Variants in USH2A observed in about 807,000 individuals in gnomAD.
The protein encoded by USH2A is usherin, also known as Usher syndrome 2A (autosomal recessive, mild).
A neutral mutation model predicts 538.9 loss-of-function variants in USH2A; 443 were observed. That is an observed-to-expected ratio of 0.82 (90% CI 0.76 to 0.89). The LOEUF (loss-of-function observed/expected upper bound fraction) is 0.89, where lower values mean the gene tolerates loss of function less well. Ranked by LOEUF, USH2A falls within the 40% of genes least tolerant of loss-of-function variation. The pLI, the probability that USH2A is intolerant of heterozygous loss-of-function variation, is 0.00. For missense variants in USH2A, 6,633 were observed against 6,324.8 expected (o/e 1.05, Z -1.65); for synonymous variants, 2,413 against 2,273.5 (o/e 1.06, Z -1.75).
In USH2A at chr1:216,247,152, G is replaced by T. The variant is rs897424186; in HGVS notation, c.2242C>A (p.Gln748Lys). 3 of 1,614,036 alleles carry T rather than the reference G, an allele frequency of 1.9e-6. No individual in the cohort carries two copies. The highest frequency in any genetic ancestry group is 2.5e-6 in the Non-Finnish European group (3 of 1,179,934). The change falls in exon 13 of 72, where the codon CAG becomes AAG. Residue 748 changes from glutamine (Q) to lysine (K), a missense_variant. Physicochemically the swap from Gln to Lys is moderately conservative, Grantham distance 53. Coordinates refer to ENST00000307340, the MANE Select transcript of USH2A (RefSeq NM_206933.4). ...TTCACTGAGCCATGGAGGTTACACT[G>T]GCAGGGCTCACATCCAACATCATTA... ...SFNDVGCEPC[Q>K]CNLHGSVNKF... is the part of the protein sequence containing the mutation.
intron 35 of USH2A, among the ~76,000 whole-genome samples, chr1:215,979,376 G>A (rs1350253363): frequency 1.3e-5 from 2 of 152,100 alleles, no homozygotes; most frequent in South Asian, 2.1e-4. Flanking sequence ...AGGGAATTTG[G>A]GGCCTTGAAT....
chr1:216,390,095 G>A (rs1276173677), intron 3 of USH2A, among the ~76,000 whole-genome samples: 1 of 152,146 alleles, frequency 6.6e-6, no homozygotes, highest in Non-Finnish European at 1.5e-5. Flanking sequence ...TTCAGCATGA[G>A]TTTTTGTCCT....
rs191101777 is a variant in USH2A at position 215,700,027 on chromosome 1, A to G, written c.12067-19651T>C. 5.2e-3 allele frequency among the ~76,000 whole-genome samples: 791 copies of G among 152,282 alleles called. 7 individuals are homozygous for G. The highest frequency in any genetic ancestry group is 0.018 in the African/African-American group (752 of 41,548). ...TGGTTTTAGCATGAAGGGGTGCTGA[A>G]TTTTATTGAAGGCCTTTTCTGCATC... is the stretch of plus-strand genomic sequence containing the variant. On this transcript the variant is annotated intron_variant, in intron 61 of 71. Transcript: ENST00000307340.
intron 11 of USH2A, among the ~76,000 whole-genome samples, chr1:216,266,622 G>A (rs1458757980): frequency 6.6e-6 from 1 of 152,164 alleles, no homozygotes; most frequent in Admixed American, 6.6e-5. Context: ...TGGGATTCAG[G>A]AAATGAGGAT....
chr1:216,326,967 A>T (rs1418255112), intron 5 of USH2A, among the ~76,000 whole-genome samples: 1 of 152,168 alleles, frequency 6.6e-6, no homozygotes, highest in African/African-American at 2.4e-5. Context: ...TTTCACTTAA[A>T]TTTTTTAAAA....
At chr1:216,255,624 G>A (rs1413619650) in intron 11 of USH2A, among the ~76,000 whole-genome samples, 3 of 152,010 alleles carry the variant, frequency 2.0e-5, no homozygotes, top group African/African-American at 7.2e-5. Flanking sequence ...TAAATCTATT[G>A]AGGCTTGTGT....
intron 17 of USH2A, among the ~76,000 whole-genome samples, chr1:216,198,828 A>G (rs998560090): frequency 5.9e-5 from 9 of 152,196 alleles, no homozygotes; most frequent in Non-Finnish European, 1.0e-4. Context: ...AGGCATACTC[A>G]TGAGGAAAAC....
At chr1:216,112,388 A>G (rs1213257285) in intron 21 of USH2A, among the ~76,000 whole-genome samples, 1 of 152,180 alleles carries the variant, frequency 6.6e-6, no homozygotes, top group African/African-American at 2.4e-5. Context: ...AACAAGAATA[A>G]TGTGCTTTAA....
chr1:216,229,104 G>A (rs1458601531), intron 14 of USH2A, among the ~76,000 whole-genome samples: 1 of 151,864 alleles, frequency 6.6e-6, no homozygotes, highest in African/African-American at 2.4e-5. Context: ...AACCTGGGAG[G>A]CAGAGGTTGA....
At chr1:216,362,594 C>T (rs1315934136) in intron 4 of USH2A, among the ~76,000 whole-genome samples, 1 of 152,006 alleles carries the variant, frequency 6.6e-6, no homozygotes, top group African/African-American at 2.4e-5. Flanking sequence ...TTCAACCCAG[C>T]CATTCAACTT....
At chr1:216,200,901 G>A (rs1198215508) in intron 16 of USH2A, among the ~76,000 whole-genome samples, 1 of 151,808 alleles carries the variant, frequency 6.6e-6, no homozygotes, top group East Asian at 2.0e-4. Flanking sequence ...GTTCCATTAA[G>A]CAGGGGTGCC....
intron 38 of USH2A, among the ~76,000 whole-genome samples, chr1:215,903,077 G>A (rs1665545027): frequency 1.3e-5 from 2 of 152,010 alleles, no homozygotes; most frequent in African/African-American, 4.8e-5. Context: ...GAGAAGGAAT[G>A]GTCAGTGAGG....
intron 3 of USH2A, among the ~76,000 whole-genome samples, chr1:216,404,363 G>C (rs1384515751): frequency 2.0e-5 from 3 of 152,132 alleles, no homozygotes; most frequent in Admixed American, 6.5e-5. Context: ...TGAAATAGCA[G>C]GATAAAGTAG....
intron 37 of USH2A, among the ~76,000 whole-genome samples, chr1:215,945,786 G>A (rs1558175400): frequency 6.6e-6 from 1 of 152,066 alleles, no homozygotes; most frequent in African/African-American, 2.4e-5. Flanking sequence ...GCGGACCTGG[G>A]AATCTCCAAT....
intron 11 of USH2A, among the ~76,000 whole-genome samples, chr1:216,254,639 A>C (rs919153480): frequency 2.6e-5 from 4 of 152,206 alleles, no homozygotes; most frequent in African/African-American, 9.6e-5. Context: ...GGAATATTAG[A>C]GGTTGGATGG....
At chr1:215,892,852 TGGAA>T in intron 40 of USH2A, among the ~76,000 whole-genome samples, 1 of 152,282 alleles carries the variant, frequency 6.6e-6, no homozygotes, top group East Asian at 1.9e-4. Flanking sequence ...CTGTTGGAAT[TGGAA>T]GGACATTATT....
chr1:216,364,626 G>A (rs895438866), intron 4 of USH2A, among the ~76,000 whole-genome samples: 2 of 152,120 alleles, frequency 1.3e-5, no homozygotes, highest in Non-Finnish European at 2.9e-5. Context: ...CATGAAGACT[G>A]AGGCAAGATT....
Position 215,726,608 on chromosome 1 carries a change from A to G in USH2A, c.12066+1422T>C, listed in dbSNP as rs375422387. 3.4e-4 allele frequency among the ~76,000 whole-genome samples: 52 copies of G among 152,304 alleles called. 2 individuals carry two copies. The South Asian group carries it at 4.1e-3, about 12-fold the overall frequency. On this transcript the variant is annotated intron_variant, in intron 61 of 71. Coordinates refer to ENST00000307340, the MANE Select transcript of USH2A (RefSeq NM_206933.4). ...TGTAAATTGGCCTTCCAGGATTTAA[A>G]GCATAGAAACATAGTTTTTTGGTTT...
At chr1:216,125,406 C>T in intron 21 of USH2A, among the ~76,000 whole-genome samples, 1 of 152,146 alleles carries the variant, frequency 6.6e-6, no homozygotes, top group Admixed American at 6.5e-5. Context: ...TCTAGACATA[C>T]ACTGTTAGTA....
Sources: allele counts gnomAD v4.1 joint callset (sites outside exome capture counted in the v4.1 genomes callset), GRCh38; gene constraint gnomAD v4.1.1; transcripts MANE v1.5; gene names NCBI Gene and HGNC (gene_info 2026-07-23, HGNC 2026-07-21).